Variants in SGCD observed in about 807,000 individuals in gnomAD.
SGCD encodes the protein sarcoglycan delta, also known as delta-sarcoglycan.
In SGCD, 18 loss-of-function variants were observed where a neutral mutation model predicts 36.6. That is an observed-to-expected ratio of 0.49 (90% CI 0.34 to 0.73). The LOEUF (loss-of-function observed/expected upper bound fraction) is 0.73. SGCD is among the 30% of genes least tolerant of loss of function. SGCD has a pLI of 0.01. For missense variants in SGCD, 387 were observed against 346.7 expected, an observed-to-expected ratio of 1.12 and a Z score of -0.92; for synonymous variants, 133 against 130.6, an observed-to-expected ratio of 1.02 and a Z score of -0.12.
At chr5:156,462,693 A>G (rs1353063910) in intron 3 of SGCD, among the ~76,000 whole-genome samples, 2 of 152,188 alleles carry the variant, frequency 1.3e-5, no homozygotes, top group Non-Finnish European at 2.9e-5. Context: ...TAGAATATAC[A>G]GATTTTTCTT....
intron 1 of SGCD, among the ~76,000 whole-genome samples, chr5:156,051,380 G>T (rs1055585570): frequency 1.4e-5 from 2 of 145,982 alleles, no homozygotes; most frequent in African/African-American, 4.9e-5. Context: ...CCAGTGACTG[G>T]GTTGAGACTT....
At chr5:156,696,978 A>T (rs1287405781) in intron 7 of SGCD, among the ~76,000 whole-genome samples, 2 of 150,610 alleles carry the variant, frequency 1.3e-5, no homozygotes, top group African/African-American at 4.9e-5. Flanking sequence ...CCATAGAAAG[A>T]CATCCTGGTT....
intron 1 of SGCD, among the ~76,000 whole-genome samples, chr5:156,078,218 C>G (rs141547384): frequency 6.1e-3 from 922 of 151,778 alleles, no homozygotes; most frequent in African/African-American, 8.1e-3. Context: ...ATGCAGTTGT[C>G]AGAAATAATA....
At chr5:156,497,270 G>A (rs902254835) in intron 3 of SGCD, among the ~76,000 whole-genome samples, 1 of 151,690 alleles carries the variant, frequency 6.6e-6, no homozygotes, top group Non-Finnish European at 1.5e-5. Flanking sequence ...GACTCCCAAA[G>A]AAATTGATAG....
At chr5:156,119,600 G>A (rs1368317) in intron 2 of SGCD, among the ~76,000 whole-genome samples, 80,948 of 151,790 alleles carry the variant, frequency 0.53, 22,722 homozygotes, top group African/African-American at 0.72. Context: ...ATTTAAATTC[G>A]TCATTAGATA....
intron 4 of SGCD, among the ~76,000 whole-genome samples, chr5:156,531,789 T>TG (rs563441953): frequency 6.4e-4 from 97 of 150,508 alleles, no homozygotes; most frequent in Non-Finnish European, 1.2e-3. Flanking sequence ...AACTAAGTAA[T>TG]GGGAAAAAAA....
At chr5:155,970,980 A>G (rs1371811039) in intron 1 of SGCD, among the ~76,000 whole-genome samples, 1 of 152,134 alleles carries the variant, frequency 6.6e-6, no homozygotes, top group Non-Finnish European at 1.5e-5. Flanking sequence ...TCATGGTCTC[A>G]GGGTGACTTC....
chr5:156,291,120 T>A (rs1185240633), intron 3 of SGCD, among the ~76,000 whole-genome samples: 1 of 152,112 alleles, frequency 6.6e-6, no homozygotes, highest in African/African-American at 2.4e-5. Context: ...AAAGATGGTA[T>A]TGAGTTGGTT....
chr5:155,852,220 C>A, the SGCD span, among the ~76,000 whole-genome samples: 8 of 152,238 alleles, frequency 5.3e-5, no homozygotes, highest in East Asian at 1.4e-3. Flanking sequence ...TTCCAAGGTG[C>A]CTTTTTCTTG....
intron 6 of SGCD, among the ~76,000 whole-genome samples, chr5:156,606,982 C>T (rs554423232): frequency 6.6e-6 from 1 of 152,296 alleles, no homozygotes; most frequent in Non-Finnish European, 1.5e-5. Context: ...ACAATCATGT[C>T]GTCTGCAAAC....
At chr5:156,597,545 T>C (rs1459688619) in intron 6 of SGCD, among the ~76,000 whole-genome samples, 1 of 152,164 alleles carries the variant, frequency 6.6e-6, no homozygotes, top group African/African-American at 2.4e-5. Flanking sequence ...ACCCCTATGA[T>C]TCAATTATCT....
At chr5:155,982,795 T>C (rs2127562538) in intron 1 of SGCD, among the ~76,000 whole-genome samples, 2 of 152,286 alleles carry the variant, frequency 1.3e-5, no homozygotes, top group East Asian at 3.9e-4. Flanking sequence ...TGAAGCTTTT[T>C]GGAAATTATG....
chr5:156,628,610 C>G (rs534423469), intron 6 of SGCD, among the ~76,000 whole-genome samples: 1 of 152,292 alleles, frequency 6.6e-6, no homozygotes, highest in East Asian at 1.9e-4. Context: ...ACATCTTTGA[C>G]AAGTAAAACT....
At chr5:156,261,917 A>G (rs1266971468) in intron 3 of SGCD, among the ~76,000 whole-genome samples, 1 of 152,232 alleles carries the variant, frequency 6.6e-6, no homozygotes, top group African/African-American at 2.4e-5. Context: ...GAGTAAAAAT[A>G]TAAAGCAGAA....
At chr5:155,824,057 A>G in the SGCD span, among the ~76,000 whole-genome samples, 7,275 of 152,278 alleles carry the variant, frequency 0.048, 231 homozygotes, top group Middle Eastern at 0.14. Flanking sequence ...AATGCCCTCA[A>G]ATATTAATCT....
intron 3 of SGCD, among the ~76,000 whole-genome samples, chr5:156,207,324 G>A (rs1764307213): frequency 6.6e-6 from 1 of 152,018 alleles, no homozygotes; most frequent in Non-Finnish European, 1.5e-5. Flanking sequence ...TGTTTTTGGG[G>A]GCCCAGCACT....
chr5:156,486,278 A>C (rs565026332), intron 3 of SGCD, among the ~76,000 whole-genome samples: 1 of 151,820 alleles, frequency 6.6e-6, no homozygotes, highest in Admixed American at 6.5e-5. Flanking sequence ...TGATGTCCCT[A>C]CTCCTTGGGA....
chr5:156,732,637 C>T (rs1756139599), intron 7 of SGCD, among the ~76,000 whole-genome samples: 1 of 151,904 alleles, frequency 6.6e-6, no homozygotes, highest in Non-Finnish European at 1.5e-5. Flanking sequence ...TCCCTCCCTT[C>T]TCAATTTTTT....
At chr5:155,779,367 G>T in the SGCD span, among the ~76,000 whole-genome samples, 1 of 152,032 alleles carries the variant, frequency 6.6e-6, no homozygotes, top group African/African-American at 2.4e-5. Context: ...GAGCCTGAGA[G>T]GCTGAGGCTG....
Sources: allele counts gnomAD v4.1 joint callset (sites outside exome capture counted in the v4.1 genomes callset), GRCh38; gene constraint gnomAD v4.1.1; transcripts MANE v1.5; gene names NCBI Gene and HGNC (gene_info 2026-07-23, HGNC 2026-07-21).